AGPS: variants seen among roughly 807,000 people sequenced by gnomAD.
AGPS encodes the protein alkylglycerone phosphate synthase.
A neutral mutation model predicts 90.7 loss-of-function variants in AGPS; 26 were observed. The ratio of observed to expected loss-of-function variants is 0.29; its 90% CI spans 0.21 to 0.40. The LOEUF (loss-of-function observed/expected upper bound fraction) is 0.40, where lower values mean the gene tolerates loss of function less well. Among genes scored for constraint, AGPS ranks in the 10% least tolerant of loss-of-function variants. The probability of loss-of-function intolerance (pLI) is 1.00; values close to 1 mark genes in which losing one functional copy is unlikely to be tolerated. For synonymous variants in AGPS, 294 were observed against 285.3 expected (o/e 1.03, Z -0.31); for missense variants, 540 against 816.1 (o/e 0.66, Z 4.12).
At chr2:177,394,002 T>C (rs1014874425) in intron 1 of AGPS, among the ~76,000 whole-genome samples, 9 of 152,220 alleles carry the variant, frequency 5.9e-5, no homozygotes, top group African/African-American at 2.2e-4. Flanking sequence ...TGCGGTTTTC[T>C]CCCATTTTAC....
rs186534314 is a variant in AGPS at position 177,504,988 on chromosome 2, C to T, written c.1476-518C>T. ...ATATGTTCATAGTAGTAAGACCTTACCTGTGTTGGTCTTGTGTTTGTTTAT... is the reference window on the plus strand; with the variant it reads ...ATATGTTCATAGTAGTAAGACCTTATCTGTGTTGGTCTTGTGTTTGTTTAT... On this transcript the variant is annotated intron_variant, in intron 14 of 19. Coordinates refer to ENST00000264167, the MANE Select transcript of AGPS (RefSeq NM_003659.4). Among the ~76,000 whole-genome samples, 7 of 152,064 alleles carry T rather than the reference C, an allele frequency of 4.6e-5. No homozygotes were observed. In the East Asian group the frequency reaches 1.4e-3, roughly 29 times the overall value.
rs575284954 is a variant in AGPS, at chr2:177,398,585, T to C, written c.260+5536T>C. Among the ~76,000 whole-genome samples, 236 of 152,364 alleles carry C rather than the reference T, an allele frequency of 1.5e-3. 1 individual carries two copies. The highest frequency in any genetic ancestry group is 0.01 in the Middle Eastern group (3 of 294). ...CACATCTGATGTTCCCGGGGAGATATCTACTTACTATTCATCAAGTTGCTG... is the reference window on the plus strand; with the variant it reads ...CACATCTGATGTTCCCGGGGAGATACCTACTTACTATTCATCAAGTTGCTG... On this transcript the variant is annotated intron_variant, in intron 1 of 19. Coordinates refer to ENST00000264167, the MANE Select transcript of AGPS (RefSeq NM_003659.4).
chr2:177,407,162 GAC>G (rs1343547805), intron 1 of AGPS, among the ~76,000 whole-genome samples: 1 of 152,264 alleles, frequency 6.6e-6, no homozygotes, highest in East Asian at 1.9e-4. Context: ...TAGGGGTAAT[GAC>G]ACCTACATCA....
chr2:177,501,675 G>A (rs146068136), intron 14 of AGPS, among the ~76,000 whole-genome samples: 12,651 of 152,008 alleles, frequency 0.083, 834 homozygotes, highest in East Asian at 0.34. Flanking sequence ...TTTTGTTTTT[G>A]TTTGTGTTTT....
rs907166786 is a variant in AGPS at position 177,461,830 on chromosome 2, G to A, written c.871-63G>A. On this transcript the variant is annotated intron_variant, in intron 8 of 19. Coordinates refer to ENST00000264167, the MANE Select transcript of AGPS (RefSeq NM_003659.4). ...AAATTTTAAAGTGGGAGGAGTTAATGTGTTGAGTGCTGTACGTAATGGGAC... is the reference window on the plus strand; with the variant it reads ...AAATTTTAAAGTGGGAGGAGTTAATATGTTGAGTGCTGTACGTAATGGGAC... The A allele has an allele frequency of 4.1e-6, 6 of 1,468,366 alleles. No homozygotes were observed. The African/African-American group carries it at 7.1e-5, about 17-fold the overall frequency. 91.0% of individuals were successfully genotyped at this position (1,468,366 alleles called of 1,614,324 possible). A position where few individuals can be genotyped will look rare whatever the true frequency, so the allele number is the denominator to read the frequency against.
intron 12 of AGPS, 129 bp from the exon 13 acceptor site, chr2:177,497,560 A>G: frequency 2.4e-6 from 1 of 419,694 alleles, no homozygotes; most frequent in Non-Finnish European, 4.4e-6. Flanking sequence ...TGTAAATAAC[A>G]CGGGAAGATT....
chr2:177,481,993 A>G, intron 10 of AGPS, 66 bp from the exon 11 acceptor site: 1 of 1,420,328 alleles, frequency 7.0e-7, no homozygotes, highest in Non-Finnish European at 9.6e-7. Context: ...TAGATTAAAT[A>G]GATTTAAATA....
In AGPS at chr2:177,532,090, A is replaced by G. The variant is rs947268506; in HGVS notation, c.1856-5984A>G. On this transcript the variant is annotated intron_variant, in intron 19 of 19. Transcript: ENST00000264167. Reference sequence around the variant, plus strand: ...GCAAAGAATTCTTAGACCGGACACTAAAAGTACAATTTATAAAAAATTGAT... The same window carrying G: ...GCAAAGAATTCTTAGACCGGACACTGAAAGTACAATTTATAAAAAATTGAT... Among the ~76,000 whole-genome samples the G allele has an allele frequency of 3.9e-4, 59 of 152,302 alleles. No homozygotes were observed. The Middle Eastern group carries it at 0.01, about 26-fold the overall frequency.
intron 8 of AGPS, among the ~76,000 whole-genome samples, chr2:177,454,895 C>T (rs1687064104): frequency 1.3e-5 from 2 of 152,124 alleles, no homozygotes; most frequent in Admixed American, 1.3e-4. Flanking sequence ...CTGTTTCTGG[C>T]CCTCTGTGAG....
At chr2:177,507,777 G>A (rs1020613055) in intron 15 of AGPS, among the ~76,000 whole-genome samples, 193 bp from the exon 16 acceptor site, 1 of 152,192 alleles carries the variant, frequency 6.6e-6, no homozygotes, top group Admixed American at 6.5e-5. Context: ...GACAGACAAG[G>A]TTCCTTTAGT....
intron 9 of AGPS, among the ~76,000 whole-genome samples, chr2:177,464,172 C>A (rs960764243): frequency 2.0e-5 from 3 of 152,122 alleles, no homozygotes; most frequent in Non-Finnish European, 4.4e-5. Context: ...AACTCCTGAC[C>A]TGAGGTACTC....
At chr2:177,491,759 T>TC (rs1688266515) in intron 11 of AGPS, among the ~76,000 whole-genome samples, 1 of 36,662 alleles carries the variant, frequency 2.7e-5, no homozygotes, top group African/African-American at 1.0e-4. Flanking sequence ...TATACTTTCC[T>TC]TCCCCCCCCC....
intron 1 of AGPS, among the ~76,000 whole-genome samples, chr2:177,395,652 G>A (rs1638287845): frequency 6.6e-6 from 1 of 152,192 alleles, no homozygotes; most frequent in Non-Finnish European, 1.5e-5. Flanking sequence ...AGAGGAAGAA[G>A]GAACCACAGT....
chr2:177,448,199 G>A (rs753801810), intron 8 of AGPS, among the ~76,000 whole-genome samples: 2 of 152,024 alleles, frequency 1.3e-5, no homozygotes, highest in Non-Finnish European at 2.9e-5. Flanking sequence ...GTGACCTTGG[G>A]CAAGTTACTC....
intron 8 of AGPS, among the ~76,000 whole-genome samples, chr2:177,459,850 A>G (rs1377233973): frequency 6.6e-6 from 1 of 152,270 alleles, no homozygotes; most frequent in Non-Finnish European, 1.5e-5. Flanking sequence ...AGCCTACGAT[A>G]AAGACACATG....
Position 177,501,028 on chromosome 2 carries a change from A to G in AGPS, c.1475+1298A>G, listed in dbSNP as rs74329340. On this transcript the variant is annotated intron_variant, in intron 14 of 19. Coordinates refer to ENST00000264167, the MANE Select transcript of AGPS (RefSeq NM_003659.4). ...GATTAAAGGACTGTTTTCTTAAAAC[A>G]TATGATGTTAGTAAGGCACAAGGAC... Among the ~76,000 whole-genome samples, 689 of 152,308 alleles carry G rather than the reference A, an allele frequency of 4.5e-3. 7 individuals are homozygous for G. The highest frequency in any genetic ancestry group is 0.016 in the African/African-American group (649 of 41,572).
chr2:177,487,939 C>T (rs1410711919), intron 11 of AGPS, among the ~76,000 whole-genome samples: 1 of 152,040 alleles, frequency 6.6e-6, no homozygotes, highest in African/African-American at 2.4e-5. Context: ...TATTCACTCC[C>T]TATTATGTAT....
intron 10 of AGPS, among the ~76,000 whole-genome samples, chr2:177,478,769 C>A (rs1687861035): frequency 6.6e-6 from 1 of 151,882 alleles, no homozygotes; most frequent in South Asian, 2.1e-4. Context: ...CAATCAAATT[C>A]AGACACTTTA....
chr2:177,461,719 A>G (rs1687297465), intron 8 of AGPS, among the ~76,000 whole-genome samples, 174 bp from the exon 9 acceptor site: 2 of 151,978 alleles, frequency 1.3e-5, no homozygotes, highest in Admixed American at 6.6e-5. Flanking sequence ...AGCTTAAAAA[A>G]ATTTTTAGGA....
Sources: allele counts gnomAD v4.1 joint callset (sites outside exome capture counted in the v4.1 genomes callset), GRCh38; gene constraint gnomAD v4.1.1; transcripts MANE v1.5; gene names NCBI Gene and HGNC (gene_info 2026-07-23, HGNC 2026-07-21).